The following C2CD3 variants were observed in gnomAD, a reference collection of about 807,000 sequenced individuals.
C2CD3 encodes C2 domain containing 3 centriole elongation regulator, also known as C2 domain-containing protein 3.
C2CD3 carries 148 observed loss-of-function variants against 234.0 expected under a neutral mutation model. That is an observed-to-expected ratio of 0.63 (90% CI 0.55 to 0.72). The LOEUF is 0.72. Among genes scored for constraint, C2CD3 ranks in the 30% least tolerant of loss-of-function variants. The pLI, the probability that C2CD3 is intolerant of heterozygous loss-of-function variation, is 0.00. For synonymous variants in C2CD3, 1,000 were observed against 1,035.4 expected, an observed-to-expected ratio of 0.97 and a Z score of 0.66; for missense variants, 2,577 against 2,811.5, an observed-to-expected ratio of 0.92 and a Z score of 1.89.
At chr11:74,051,166 C>T (rs1472790808) in intron 26 of C2CD3, among the ~76,000 whole-genome samples, 1 of 151,016 alleles carries the variant, frequency 6.6e-6, no homozygotes, top group Non-Finnish European at 1.5e-5. Context: ...TATAGTGGTG[C>T]ATGTCTGTAG....
chr11:74,054,562 C>G, intron 26 of C2CD3, 45 bp downstream of exon 26: 3 of 795,448 alleles, frequency 3.8e-6, no homozygotes, highest in Non-Finnish European at 6.1e-6. Flanking sequence ...AGGATGTGAG[C>G]TTATTTTTAC....
chr11:74,041,123 T>C (rs895622524), intron 29 of C2CD3, among the ~76,000 whole-genome samples: 2 of 152,194 alleles, frequency 1.3e-5, no homozygotes, highest in African/African-American at 4.8e-5. Flanking sequence ...TTACATAATG[T>C]TGATACTTTC....
intron 3 of C2CD3, among the ~76,000 whole-genome samples, chr11:74,154,199 A>G (rs1452981893): frequency 1.9e-4 from 29 of 152,116 alleles, no homozygotes; most frequent in Non-Finnish European, 1.5e-5. Flanking sequence ...AAAAACATAA[A>G]CCATAAAAGG....
intron 32 of C2CD3, among the ~76,000 whole-genome samples, chr11:74,022,700 CA>C (rs1217809051): frequency 1.3e-5 from 2 of 152,194 alleles, no homozygotes; most frequent in African/African-American, 2.4e-5. Flanking sequence ...AGCAGAATCA[CA>C]AAAAACTTTT....
Position 74,074,578 on chromosome 11 carries a change from T to C in C2CD3, c.4626A>G (p.Arg1542=), listed in dbSNP as rs1474292714. 1.2e-6 allele frequency: 2 copies of C among 1,613,564 alleles called. No individual in the cohort carries two copies. Among genetic ancestry groups the C allele is most frequent in the African/African-American group, 2.7e-5 (2 of 74,914 alleles). The change falls in exon 24 of 33, where the codon CGA becomes CGG. Residue 1542 remains arginine (R), a synonymous_variant. Transcript: ENST00000334126. ...TVSGVYPLFG[R]NASNLSGAAL... ...CAGCTCCTGAGAGGTTGGAAGCATTTCGTCCAAACAGAGGATACACACCTA... is the reference window on the plus strand; with the variant it reads ...CAGCTCCTGAGAGGTTGGAAGCATTCCGTCCAAACAGAGGATACACACCTA...
intron 28 of C2CD3, among the ~76,000 whole-genome samples, chr11:74,043,724 T>C (rs188110581): frequency 4.6e-5 from 7 of 152,304 alleles, no homozygotes; most frequent in African/African-American, 1.7e-4. Context: ...TCTTTTACTG[T>C]GATTATTGGC....
intron 3 of C2CD3, among the ~76,000 whole-genome samples, chr11:74,156,571 A>G (rs938125219): frequency 6.6e-6 from 1 of 151,922 alleles, no homozygotes; most frequent in African/African-American, 2.4e-5. Flanking sequence ...GCTACTCAGG[A>G]GGCCGAGGCA....
intron 1 of C2CD3, among the ~76,000 whole-genome samples, chr11:74,169,238 A>G (rs777639801): frequency 6.6e-6 from 1 of 152,174 alleles, no homozygotes; most frequent in Non-Finnish European, 1.5e-5. Flanking sequence ...TTCTGCCACT[A>G]TTTTTAACAC....
At chr11:74,091,213 G>C in intron 19 of C2CD3, 2 of 286,340 alleles carry the variant, frequency 7.0e-6, no homozygotes, top group Non-Finnish European at 1.3e-5. Context: ...CTTAACTCCA[G>C]ATTTCTTTTT....
At position 74,122,995 on chromosome 11, in the gene C2CD3, G is replaced by A. The variant is rs761692855; in HGVS notation, c.1358C>T (p.Thr453Ile). 4.3e-6 allele frequency: 7 copies of A among 1,612,646 alleles called. No individual in the cohort carries two copies. Among genetic ancestry groups the A allele is most frequent in the Non-Finnish European group, 5.9e-6 (7 of 1,179,016 alleles). ...DQSLLENLFYTAPKSDTSISD... is the reference protein window; with the variant it reads ...DQSLLENLFYIAPKSDTSISD... ...TCAGGTTCAGTGACTTACAGGTGCT[G>A]TATAAAATAAATTCTCCAGAAGACT... The change falls in exon 8 of 33, where the codon ACA becomes ATA. Residue 453 changes from threonine (T) to isoleucine (I), a missense_variant. Physicochemically the swap from Thr to Ile is moderately conservative, Grantham distance 89 (BLOSUM62 -1). Transcript: ENST00000334126.
In C2CD3 at chr11:74,037,692, A is replaced by G; in HGVS notation, c.5667T>C (p.Asn1889=). The part of the protein sequence containing the change: ...QTSILTSLRK[N]LSELDQIQRY... ...TCTGAATCTGATCAAGCTCACTCAG[A>G]TTCTTCCTATAAACAAAAGGGGGAG... The change falls in exon 30 of 33, where the codon AAT becomes AAC. Residue 1889 remains asparagine, a synonymous_variant. Coordinates refer to ENST00000334126, the MANE Select transcript of C2CD3 (RefSeq NM_001286577.2). 5.0e-6 allele frequency: 8 copies of G among 1,612,572 alleles called. No homozygotes were observed. The highest frequency in any genetic ancestry group is 6.8e-6 in the Non-Finnish European group (8 of 1,179,000).
rs145171326 is a variant in C2CD3 at position 74,052,068 on chromosome 11, G to A, written c.5156-2526C>T. 4.3e-3 allele frequency among the ~76,000 whole-genome samples: 654 copies of A among 152,270 alleles called. 3 individuals are homozygous for A. Among genetic ancestry groups the A allele is most frequent in the Middle Eastern group, 0.034 (10 of 294 alleles). On this transcript the variant is annotated intron_variant, in intron 26 of 32. Coordinates refer to ENST00000334126, the MANE Select transcript of C2CD3 (RefSeq NM_001286577.2). ...TATAAATAACTCCCACAAGCTTAGC[G>A]TTCCAATAATGGAACACCAGGCATA... is the stretch of plus-strand genomic sequence containing the variant.
At chr11:74,142,939 T>C (rs1419147039) in intron 3 of C2CD3, among the ~76,000 whole-genome samples, 1 of 152,236 alleles carries the variant, frequency 6.6e-6, no homozygotes, top group Non-Finnish European at 1.5e-5. Context: ...CAAATTACTT[T>C]ACCACTTTAA....
At chr11:74,115,693 C>G (rs150876830) in intron 9 of C2CD3, among the ~76,000 whole-genome samples, 1 of 152,096 alleles carries the variant, frequency 6.6e-6, no homozygotes, top group African/African-American at 2.4e-5. Flanking sequence ...AAGAACAAAT[C>G]TGGAGGCATC....
chr11:74,036,994 G>A (rs957979621), intron 30 of C2CD3, among the ~76,000 whole-genome samples: 1 of 152,110 alleles, frequency 6.6e-6, no homozygotes, highest in Non-Finnish European at 1.5e-5. Context: ...TTCAAAGGGT[G>A]GACTATGAAT....
intron 3 of C2CD3, among the ~76,000 whole-genome samples, chr11:74,141,105 A>G (rs753325459): frequency 2.0e-5 from 3 of 152,258 alleles, no homozygotes; most frequent in Non-Finnish European, 4.4e-5. Context: ...AAGACCGTCA[A>G]ATAATGAATG....
rs1478516267 is a variant in C2CD3 at position 74,092,547 on chromosome 11, C to T, written c.3386G>A (p.Gly1129Glu). The T allele has an allele frequency of 2.5e-6, 4 of 1,613,730 alleles. No individual in the cohort carries two copies. The highest frequency in any genetic ancestry group is 3.4e-6 in the Non-Finnish European group (4 of 1,179,876). Residue 1129 changes from glycine to glutamate, a missense_variant, in exon 19 of 33, where the codon GGA becomes GAA. Transcript: ENST00000334126. ...PNVRDQKVAK[G>E]TLPLSRICAM... is the part of the protein sequence containing the mutation. ...ACAGATCCTTGATAATGGCAAGGTT[C>T]CTTTGGCGACCTTCTGGTCTCTCAC...
chr11:74,107,048 G>A (rs925498076), intron 12 of C2CD3, among the ~76,000 whole-genome samples: 4 of 152,152 alleles, frequency 2.6e-5, no homozygotes, highest in African/African-American at 4.8e-5. Flanking sequence ...TAGGCTGGGC[G>A]CGGTGGCCCA....
rs548119810 is a variant in C2CD3, at chr11:74,152,873, C to T, written c.483+8526G>A. On this transcript the variant is annotated intron_variant, in intron 3 of 32. Transcript: ENST00000334126. ...AAATTTGGGAAAAGTGTTCTTAAAA[C>T]TTGGCACTTTTCTAATTGATAAAGG... Among the ~76,000 whole-genome samples the T allele has an allele frequency of 4.7e-3, 717 of 152,244 alleles. 3 individuals carry two copies. Among genetic ancestry groups the T allele is most frequent in the African/African-American group, 0.017 (691 of 41,548 alleles).
Sources: allele counts gnomAD v4.1 joint callset (sites outside exome capture counted in the v4.1 genomes callset), GRCh38; gene constraint gnomAD v4.1.1; transcripts MANE v1.5; gene names NCBI Gene and HGNC (gene_info 2026-07-23, HGNC 2026-07-21).